Variants in SATL1 observed in about 807,000 individuals in gnomAD.
The protein encoded by SATL1 is spermidine/spermine N(1)-acetyltransferase-like protein 1.
A neutral mutation model predicts 51.8 loss-of-function variants in SATL1; 47 were observed. That is an observed-to-expected ratio of 0.91 (90% CI 0.72 to 1.16). SATL1 has a LOEUF of 1.16. Among genes scored for constraint, SATL1 ranks in the 50% most tolerant of loss-of-function variants. The pLI is 0.00. For missense variants in SATL1, 520 were observed against 526.4 expected, an observed-to-expected ratio of 0.99 and a Z score of 0.12; for synonymous variants, 176 against 182.4, an observed-to-expected ratio of 0.97 and a Z score of 0.28.
rs183207610 is a variant in SATL1, at chrX:85,117,770, C to T, written c.-312-8490G>A. Among the ~76,000 whole-genome samples the T allele has an allele frequency of 5.5e-3, 611 of 111,499 alleles. 3 individuals are homozygous for T. Among genetic ancestry groups the T allele is most frequent in the African/African-American group, 0.019 (572 of 30,763 alleles). ...TATATTTTATTAAAGAATGCATGTT[C>T]ATTGTAGAAAATATCTATGACAGGT... is the stretch of plus-strand genomic sequence containing the variant. On this transcript the variant is annotated intron_variant, in intron 2 of 7. Transcript: ENST00000644105.
chrX:85,109,308 G>A (rs1925198940), intron 2 of SATL1, 28 bp from the exon 3 acceptor site: 1 of 290,115 alleles, frequency 3.4e-6, no homozygotes, highest in South Asian at 6.4e-5. Context: ...GTAAAGGGAA[G>A]ACGAAAATGA....
At chrX:85,105,833 A>G (rs1389294394) in intron 3 of SATL1, among the ~76,000 whole-genome samples, 1 of 112,480 alleles carries the variant, frequency 8.9e-6, no homozygotes, top group Non-Finnish European at 1.9e-5. Context: ...GTCACTATAT[A>G]CATGTATGTG....
intron 1 of SATL1, among the ~76,000 whole-genome samples, chrX:85,241,798 G>A (rs1471797384): frequency 8.9e-6 from 1 of 112,250 alleles, no homozygotes; most frequent in Non-Finnish European, 1.9e-5. Context: ...ACTCTACACT[G>A]TAAAAGATAT....
Position 85,151,450 on chromosome X carries a change from G to A in SATL1, c.-312-42170C>T, listed in dbSNP as rs150714305. 3.6e-3 allele frequency among the ~76,000 whole-genome samples: 399 copies of A among 111,339 alleles called. 1 individual carries two copies. The highest frequency in any genetic ancestry group is 5.3e-3 in the Non-Finnish European group (283 of 53,018). ...CAACCTACCAATGACTTTCTTCACC[G>A]AATTCAAAAAAACTACTTTAAAGTT... is the stretch of plus-strand genomic sequence containing the variant. On this transcript the variant is annotated intron_variant, in intron 2 of 7. Coordinates refer to ENST00000644105, the MANE Select transcript of SATL1 (RefSeq NM_001367857.2).
At chrX:85,103,376 C>T (rs1161361262) in intron 4 of SATL1, among the ~76,000 whole-genome samples, 1 of 111,921 alleles carries the variant, frequency 8.9e-6, no homozygotes, top group Admixed American at 9.5e-5. Flanking sequence ...TAACTGTCTT[C>T]ACCTAGTCTT....
At chrX:85,183,799 A>G (rs1569243356) in intron 2 of SATL1, among the ~76,000 whole-genome samples, 2 of 111,407 alleles carry the variant, frequency 1.8e-5, no homozygotes, top group Admixed American at 9.6e-5. Context: ...AAACAATCCA[A>G]TTATATCTTT....
chrX:85,201,411 T>C (rs1927684515), intron 2 of SATL1, among the ~76,000 whole-genome samples: 1 of 111,419 alleles, frequency 9.0e-6, no homozygotes, highest in Admixed American at 9.6e-5. Flanking sequence ...CCTGATCTAT[T>C]GTAAGTTATG....
intron 2 of SATL1, among the ~76,000 whole-genome samples, chrX:85,217,191 C>T (rs780173211): frequency 2.7e-5 from 3 of 110,968 alleles, no homozygotes; most frequent in Non-Finnish European, 5.7e-5. Context: ...ATAAGTACTA[C>T]AAAATAAAAG....
At chrX:85,145,459 T>A (rs959741862) in intron 2 of SATL1, among the ~76,000 whole-genome samples, 5 of 111,990 alleles carry the variant, frequency 4.5e-5, no homozygotes, top group African/African-American at 1.3e-4. Flanking sequence ...AATAGGCCAT[T>A]TTTTTGTGAT....
At chrX:85,159,475 G>A (rs764715973) in intron 2 of SATL1, among the ~76,000 whole-genome samples, 8 of 110,804 alleles carry the variant, frequency 7.2e-5, no homozygotes, top group Non-Finnish European at 1.3e-4. Context: ...GATGATCTGA[G>A]GTGGAACAGT....
At chrX:85,208,371 A>G (rs752585665) in intron 2 of SATL1, among the ~76,000 whole-genome samples, 19 of 111,346 alleles carry the variant, frequency 1.7e-4, no homozygotes, top group Non-Finnish European at 2.6e-4. Context: ...ATACGTGTGC[A>G]TGTCTTTGTA....
intron 1 of SATL1, among the ~76,000 whole-genome samples, chrX:85,231,920 G>A (rs1928389159): frequency 9.1e-6 from 1 of 110,062 alleles, no homozygotes; most frequent in South Asian, 3.9e-4. Context: ...TAGTGGACTT[G>A]GGGGACATGC....
chrX:85,204,367 G>C (rs1244461126), intron 2 of SATL1, among the ~76,000 whole-genome samples: 2 of 111,973 alleles, frequency 1.8e-5, no homozygotes, highest in African/African-American at 6.5e-5. Flanking sequence ...TGATAGCCAC[G>C]CACACTAGCT....
chrX:85,142,924 C>T (rs1361607945), intron 2 of SATL1: 1 of 111,405 alleles, frequency 9.0e-6, no homozygotes, highest in Non-Finnish European at 1.9e-5. Context: ...TGCCCTCTTC[C>T]ACTTTCATTT....
chrX:85,201,045 C>T (rs1024209305), intron 2 of SATL1, among the ~76,000 whole-genome samples: 3 of 110,610 alleles, frequency 2.7e-5, no homozygotes, highest in African/African-American at 6.6e-5. Flanking sequence ...TCTTTCTTGT[C>T]TACAGTACCT....
intron 6 of SATL1, 142 bp from the exon 7 acceptor site, chrX:85,093,367 G>T (rs1307948937): frequency 3.7e-6 from 2 of 539,978 alleles, no homozygotes; most frequent in Non-Finnish European, 5.8e-6. Flanking sequence ...ACTCGTGAAT[G>T]CTTTCATATC....
intron 3 of SATL1, 63 bp downstream of exon 3, chrX:85,107,265 C>G: frequency 1.0e-6 from 1 of 981,875 alleles, no homozygotes; most frequent in Non-Finnish European, 1.4e-6. Context: ...CCAACTATGC[C>G]TCCCTTACTC....
intron 1 of SATL1, among the ~76,000 whole-genome samples, chrX:85,233,332 C>T (rs764248924): frequency 8.9e-5 from 10 of 111,793 alleles, no homozygotes; most frequent in Non-Finnish European, 1.3e-4. Context: ...CCAAACAAGC[C>T]CAGACTCTGA....
At chrX:85,180,443 A>T (rs1927176035) in intron 2 of SATL1, among the ~76,000 whole-genome samples, 1 of 111,247 alleles carries the variant, frequency 9.0e-6, no homozygotes, top group African/African-American at 3.3e-5. Context: ...GGCTACACAC[A>T]TGTACAGTAT....
Sources: allele counts gnomAD v4.1 joint callset (sites outside exome capture counted in the v4.1 genomes callset), GRCh38; gene constraint gnomAD v4.1.1; transcripts MANE v1.5; gene names NCBI Gene and HGNC (gene_info 2026-07-23, HGNC 2026-07-21).